The following C12orf76 variants were observed in gnomAD, a reference collection of about 807,000 sequenced individuals.
C12orf76 encodes uncharacterized protein C12orf76.
C12orf76 carries 6 observed loss-of-function variants against 6.8 expected under a neutral mutation model. The observed-to-expected ratio is 0.88, with a 90% CI of 0.48 to 1.73. The LOEUF (loss-of-function observed/expected upper bound fraction) is 1.73, where lower values mean the gene tolerates loss of function less well. C12orf76 is among the 40% of genes most tolerant of loss of function. C12orf76 has a pLI of 0.01. For synonymous variants in C12orf76, 56 were observed against 43.7 expected, an observed-to-expected ratio of 1.28 and a Z score of -1.11; for missense variants, 99 against 98.2, an observed-to-expected ratio of 1.01 and a Z score of -0.03.
At chr12:110,066,893 A>C (rs1001320028) in intron 1 of C12orf76, among the ~76,000 whole-genome samples, 5 of 152,168 alleles carry the variant, frequency 3.3e-5, no homozygotes. Context: ...CTGGTACAGC[A>C]ACACCATCTC....
intron 2 of C12orf76, among the ~76,000 whole-genome samples, chr12:110,063,306 G>A (rs957521924): frequency 2.6e-5 from 4 of 151,628 alleles, no homozygotes; most frequent in African/African-American, 4.8e-5. Context: ...GTTTTGAGAC[G>A]AAGTTTTGCT....
intron 1 of C12orf76, chr12:110,044,197 G>C (rs974358588): frequency 6.6e-6 from 1 of 152,160 alleles, no homozygotes; most frequent in African/African-American, 2.4e-5. Flanking sequence ...CCCATCCCAG[G>C]TTCCAGCTAG....
At chr12:110,057,564 G>A (rs1892690585) in intron 3 of C12orf76, among the ~76,000 whole-genome samples, 1 of 152,078 alleles carries the variant, frequency 6.6e-6, no homozygotes, top group Non-Finnish European at 1.5e-5. Context: ...AAGGGTTGAG[G>A]ACCCAAGAGA....
In C12orf76 at chr12:110,041,575, G is replaced by A. The variant is rs1025380995; in HGVS notation, c.*799C>T. 15 of 152,262 alleles carry A rather than the reference G, an allele frequency of 9.9e-5. No homozygotes were observed. Among genetic ancestry groups the A allele is most frequent in the African/African-American group, 3.4e-4 (14 of 41,454 alleles). 9.4% of individuals were successfully genotyped at this position (152,262 alleles called of 1,614,324 possible). ...CTGTTGGCTGGGCCCTCCCCACCCAGGGATGAACAGAGTGCCCACTGAGCC... is the reference window on the plus strand; with the variant it reads ...CTGTTGGCTGGGCCCTCCCCACCCAAGGATGAACAGAGTGCCCACTGAGCC... On this transcript the variant is annotated 3_prime_UTR_variant, in exon 2 of 2. Transcript: ENST00000615315.
At chr12:110,045,890 TG>T in intron 1 of C12orf76, 1 of 182,474 alleles carries the variant, frequency 5.5e-6, no homozygotes, top group Non-Finnish European at 1.2e-5. Context: ...ACCTGGGCGG[TG>T]GAGGTTGCAG....
At chr12:110,050,641 G>A (rs1306763987), upstream of C12orf76, 1 of 240,264 alleles carries the variant, frequency 4.2e-6, no homozygotes, top group Non-Finnish European at 8.2e-6. Context: ...ATGTCAGGAA[G>A]TTACCCTATA....
At chr12:110,047,007 A>C (rs1892468163) in intron 1 of C12orf76, among the ~76,000 whole-genome samples, 1 of 152,180 alleles carries the variant, frequency 6.6e-6, no homozygotes, top group African/African-American at 2.4e-5. Flanking sequence ...ATGTGTGGAA[A>C]CTATTTAGTA....
At position 110,042,396 on chromosome 12, in the gene C12orf76, T is replaced by C; in HGVS notation, c.197A>G (p.Tyr66Cys). 5 of 1,614,160 alleles carry C rather than the reference T, an allele frequency of 3.1e-6. No homozygotes were observed. The highest frequency in any genetic ancestry group is 1.7e-5 in the Admixed American group (1 of 60,026). Reference sequence around the variant, plus strand: ...CTGTCACCGACGCCGAATGGGCTTGTAGACACAAAATGCCATAAGGATGAC... The same window carrying C: ...CTGTCACCGACGCCGAATGGGCTTGCAGACACAAAATGCCATAAGGATGAC... ...VTVILMAFCV[Y>C]KPIRRR Residue 66 changes from tyrosine (Y) to cysteine (C), a missense_variant, in exon 2 of 2, where the codon TAC (tyrosine) becomes TGC (cysteine). Tyr to Cys is a radical substitution (Grantham distance 194, BLOSUM62 -2). Coordinates refer to ENST00000615315, the MANE Select transcript of C12orf76 (RefSeq NM_001389625.1).
upstream of C12orf76, chr12:110,051,220 A>C (rs758443643): frequency 3.9e-6 from 3 of 770,716 alleles, no homozygotes; most frequent in African/African-American, 1.7e-5. Context: ...GTGGGGTGGG[A>C]GGCAGGCTCT....
At chr12:110,056,138 C>T (rs545507185) in intron 4 of C12orf76, among the ~76,000 whole-genome samples, 30 of 151,862 alleles carry the variant, frequency 2.0e-4, no homozygotes, top group Admixed American at 7.2e-4. Context: ...ATCCAGTTTG[C>T]ACACTTTACC....
chr12:110,065,504 C>G (rs973089028), intron 2 of C12orf76, among the ~76,000 whole-genome samples: 1 of 152,126 alleles, frequency 6.6e-6, no homozygotes, highest in Non-Finnish European at 1.5e-5. Context: ...AAGGCATCAT[C>G]AATCCCTCAG....
At chr12:110,042,942 A>C (rs1004015391) in intron 1 of C12orf76, among the ~76,000 whole-genome samples, 1 of 152,052 alleles carries the variant, frequency 6.6e-6, no homozygotes, top group Non-Finnish European at 1.5e-5. Context: ...CCAGCTACTC[A>C]GGAGGCTACT....
At chr12:110,067,364 C>T in intron 1 of C12orf76, 1 of 968,310 alleles carries the variant, frequency 1.0e-6, no homozygotes, top group Non-Finnish European at 1.2e-6. Context: ...AGGAGCTCAA[C>T]AATTACCTAG....
chr12:110,068,337 C>A (rs534452406), upstream of C12orf76, among the ~76,000 whole-genome samples: 3 of 135,412 alleles, frequency 2.2e-5, no homozygotes, highest in African/African-American at 2.8e-5. Context: ...AGAAGGCGGC[C>A]AAATAGAAGC....
chr12:110,059,003 G>T, exon 3 of C12orf76: 1 of 1,548,120 alleles, frequency 6.5e-7, no homozygotes. Flanking sequence ...CCTAATAGCC[G>T]AACAAACTGT....
chr12:110,050,919 G>T, upstream of C12orf76: 2 of 671,430 alleles, frequency 3.0e-6, no homozygotes, highest in Non-Finnish European at 5.4e-6. Context: ...ACCACAGAAG[G>T]GACTATAGTG....
rs1040937687 is a variant in C12orf76, at chr12:110,042,202, G to A, written c.*172C>T. On this transcript the variant is annotated 3_prime_UTR_variant, in exon 2 of 2. Transcript: ENST00000615315. ...GCCAATTATTTGCGCTACAGTGTTA[G>A]GAAAAAATAATGTCTAGTACATGTT... 3.3e-6 allele frequency: 2 copies of A among 605,650 alleles called. No individual in the cohort carries two copies. The highest frequency in any genetic ancestry group is 3.7e-5 in the African/African-American group (2 of 54,114). 37.5% of individuals were successfully genotyped at this position (605,650 alleles called of 1,614,324 possible).
upstream of C12orf76, among the ~76,000 whole-genome samples, chr12:110,051,712 A>G (rs1593245855): frequency 1.3e-5 from 2 of 151,990 alleles, no homozygotes; most frequent in South Asian, 4.2e-4. Flanking sequence ...GGTGTGAGCC[A>G]CCATGCCCGG....
chr12:110,052,059 A>AT (rs1226550295), upstream of C12orf76, among the ~76,000 whole-genome samples: 2 of 150,296 alleles, frequency 1.3e-5, no homozygotes, highest in Admixed American at 6.6e-5. Flanking sequence ...CGCCTGGCTA[A>AT]TTTTTTGTAT....
Sources: gnomAD v4.1 joint callset for allele counts (sites outside exome capture counted in the v4.1 genomes callset) on GRCh38, gnomAD v4.1.1 for gene constraint, MANE v1.5 for transcripts, NCBI Gene and HGNC (gene_info 2026-07-23, HGNC 2026-07-21) for gene names.